CHODL: variants seen among roughly 807,000 people sequenced by gnomAD.
CHODL encodes the protein chondrolectin.
A neutral mutation model predicts 34.5 loss-of-function variants in CHODL; 29 were observed. The ratio of observed to expected loss-of-function variants is 0.84; its 90% CI spans 0.63 to 1.15. The LOEUF is 1.15. Ranked by LOEUF, CHODL falls within the 50% of genes most tolerant of loss-of-function variation. The pLI is 0.00. For synonymous variants in CHODL, 125 were observed against 116.1 expected (o/e 1.08, Z -0.49); for missense variants, 332 against 332.5 (o/e 1.00, Z 0.01).
chr21:18,102,077 G>T (rs766512151), intron 2 of CHODL, among the ~76,000 whole-genome samples: 1 of 152,130 alleles, frequency 6.6e-6, no homozygotes, highest in East Asian at 1.9e-4. Flanking sequence ...TTGAGTGTAA[G>T]CTCAGAATCA....
At chr21:18,094,868 A>C (rs759388193) in intron 2 of CHODL, among the ~76,000 whole-genome samples, 10 of 152,136 alleles carry the variant, frequency 6.6e-5, no homozygotes, top group Non-Finnish European at 1.3e-4. Context: ...TCACTCCTCT[A>C]ATCCCAGCAC....
At chr21:18,240,309 G>A (rs1420964271), upstream of CHODL, among the ~76,000 whole-genome samples, 4 of 152,044 alleles carry the variant, frequency 2.6e-5, no homozygotes, top group African/African-American at 9.7e-5. Flanking sequence ...CATTAGGAAA[G>A]TTTATGAAAT....
chr21:17,993,027 ACACCT>A (rs2146390438), intron 1 of CHODL, among the ~76,000 whole-genome samples: 1 of 152,222 alleles, frequency 6.6e-6, no homozygotes, highest in South Asian at 2.1e-4. Context: ...TGCAATTTGA[ACACCT>A]TTAATTTCCT....
rs149539245 is a variant in CHODL, at chr21:18,054,165, T to C, written c.-45+26194T>C. 5.3e-5 allele frequency among the ~76,000 whole-genome samples: 8 copies of C among 152,000 alleles called. No individual in the cohort carries two copies. In the East Asian group the frequency reaches 9.7e-4, roughly 18 times the overall value. On this transcript the variant is annotated intron_variant, in intron 2 of 6. Transcript: ENST00000400127. ...TTATACATCCATATATCTTTATCCA[T>C]ATATCCATGTATATATCCATATATC...
chr21:17,990,193 C>G (rs56271411), intron 1 of CHODL, among the ~76,000 whole-genome samples: 28,798 of 151,766 alleles, frequency 0.19, 3,900 homozygotes, highest in African/African-American at 0.38. Flanking sequence ...AATATAAAAA[C>G]ATTATAATAT....
At chr21:17,938,541 C>G (rs529143622) in intron 1 of CHODL, among the ~76,000 whole-genome samples, 1 of 122,220 alleles carries the variant, frequency 8.2e-6, no homozygotes, top group African/African-American at 3.1e-5. Flanking sequence ...TGCAGTGGCT[C>G]GATCTCGGCT....
chr21:18,112,404 GA>G (rs896100765), intron 2 of CHODL, among the ~76,000 whole-genome samples: 17 of 149,784 alleles, frequency 1.1e-4, no homozygotes, highest in Non-Finnish European at 1.5e-4. Context: ...GACAAAAATT[GA>G]AAAAAAAATC....
chr21:18,059,386 A>C (rs965669175), intron 2 of CHODL, among the ~76,000 whole-genome samples: 2 of 152,208 alleles, frequency 1.3e-5, no homozygotes, highest in African/African-American at 2.4e-5. Context: ...TGAGCAGACC[A>C]GCAAACCTGG....
At chr21:17,963,968 A>C (rs534387183) in intron 1 of CHODL, among the ~76,000 whole-genome samples, 1 of 152,296 alleles carries the variant, frequency 6.6e-6, no homozygotes, top group African/African-American at 2.4e-5. Context: ...AATAGAAACA[A>C]CTTGCCAAAA....
At chr21:18,141,723 G>GAAAA (rs11308901) in intron 2 of CHODL, among the ~76,000 whole-genome samples, 1 of 124,580 alleles carries the variant, frequency 8.0e-6, no homozygotes, top group Non-Finnish European at 1.8e-5. Context: ...GAAAGAACAG[G>GAAAA]AAAAAAAAAA....
intron 1 of CHODL, among the ~76,000 whole-genome samples, chr21:18,252,420 C>T (rs1166500915): frequency 6.6e-6 from 1 of 152,042 alleles, no homozygotes; most frequent in East Asian, 1.9e-4. Context: ...AAAGTTGCTT[C>T]CAGAAGATCT....
intron 1 of CHODL, among the ~76,000 whole-genome samples, chr21:17,950,914 T>A (rs1027210417): frequency 1.4e-4 from 22 of 152,254 alleles, no homozygotes; most frequent in Non-Finnish European, 2.9e-4. Flanking sequence ...TCTCACTGTC[T>A]TGCTTCTTAT....
intron 2 of CHODL, among the ~76,000 whole-genome samples, chr21:18,090,725 A>AG (rs1471495444): frequency 1.6e-4 from 10 of 64,412 alleles, no homozygotes; most frequent in South Asian, 1.3e-3. Flanking sequence ...TATAATTTCC[A>AG]GAAAAAAAAA....
At chr21:18,016,410 C>T (rs991736860) in intron 1 of CHODL, among the ~76,000 whole-genome samples, 2 of 152,162 alleles carry the variant, frequency 1.3e-5, no homozygotes, top group Admixed American at 6.5e-5. Context: ...GCTTGGAAGC[C>T]TCCACCTAGA....
intron 2 of CHODL, among the ~76,000 whole-genome samples, chr21:18,038,288 G>A (rs371940022): frequency 6.6e-6 from 1 of 151,414 alleles, no homozygotes; most frequent in African/African-American, 2.4e-5. Flanking sequence ...AATGTATAAG[G>A]GCTCAGAAGA....
At chr21:18,044,951 A>G (rs1311777122) in intron 2 of CHODL, among the ~76,000 whole-genome samples, 2 of 151,972 alleles carry the variant, frequency 1.3e-5, no homozygotes, top group Non-Finnish European at 2.9e-5. Flanking sequence ...GACAGGGTCT[A>G]TGTCGTTATG....
chr21:18,156,096 G>A (rs183311897), intron 2 of CHODL, among the ~76,000 whole-genome samples: 37 of 152,276 alleles, frequency 2.4e-4, no homozygotes, highest in African/African-American at 8.9e-4. Flanking sequence ...GACCTTGGAC[G>A]TGGGTAGAAA....
intron 1 of CHODL, among the ~76,000 whole-genome samples, chr21:17,987,011 A>T (rs1028878098): frequency 6.6e-6 from 1 of 152,182 alleles, no homozygotes; most frequent in African/African-American, 2.4e-5. Flanking sequence ...GTGTACTTTG[A>T]GAATAGAGAA....
chr21:18,240,557 C>G (rs990813886), upstream of CHODL, among the ~76,000 whole-genome samples: 13 of 152,058 alleles, frequency 8.5e-5, no homozygotes, highest in African/African-American at 3.1e-4. Flanking sequence ...ACCCTTGAGG[C>G]AAAGATGACT....
Sources: allele counts gnomAD v4.1 joint callset (sites outside exome capture counted in the v4.1 genomes callset), GRCh38; gene constraint gnomAD v4.1.1; transcripts MANE v1.5; gene names NCBI Gene and HGNC (gene_info 2026-07-23, HGNC 2026-07-21).